BRINP3: variants seen among roughly 807,000 people sequenced by gnomAD.
BRINP3 encodes BMP/retinoic acid inducible neural specific 3, also known as BMP/retinoic acid-inducible neural-specific protein 3.
BRINP3 carries 19 observed loss-of-function variants against 71.0 expected under a neutral mutation model. The ratio of observed to expected loss-of-function variants is 0.27; its 90% CI spans 0.19 to 0.39. The LOEUF (loss-of-function observed/expected upper bound fraction) is 0.39. BRINP3 is among the 10% of genes least tolerant of loss of function. BRINP3 has a pLI of 1.00. For missense variants in BRINP3, 959 were observed against 940.8 expected, an observed-to-expected ratio of 1.02 and a Z score of -0.25; for synonymous variants, 380 against 337.7, an observed-to-expected ratio of 1.13 and a Z score of -1.37.
intron 1 of BRINP3, among the ~76,000 whole-genome samples, chr1:190,458,226 G>A (rs545182322): frequency 6.2e-4 from 95 of 152,016 alleles, no homozygotes; most frequent in African/African-American, 1.8e-3. Flanking sequence ...TTAACACATA[G>A]GAATGTCAAT....
chr1:190,241,690 A>G (rs1369587187), intron 4 of BRINP3, among the ~76,000 whole-genome samples: 2 of 152,028 alleles, frequency 1.3e-5, no homozygotes, highest in Non-Finnish European at 2.9e-5. Flanking sequence ...AACATCCTGC[A>G]TATTCTTATA....
At position 190,159,668 on chromosome 1, in the gene BRINP3, G is replaced by C. The variant is rs145136099; in HGVS notation, c.1184+1000C>G. Among the ~76,000 whole-genome samples the C allele has an allele frequency of 1.3e-4, 20 of 152,126 alleles. No individual in the cohort carries two copies. In the East Asian group the frequency reaches 2.3e-3, roughly 18 times the overall value. ...ATAGTAGATTAGACAAATTTATAGAGAGAAACAGCCTTGGACTGGGTGAAG... is the reference window on the plus strand; with the variant it reads ...ATAGTAGATTAGACAAATTTATAGACAGAAACAGCCTTGGACTGGGTGAAG... On this transcript the variant is annotated intron_variant, in intron 7 of 7. Transcript: ENST00000367462.
chr1:190,261,859 T>C (rs1490447870), intron 4 of BRINP3, among the ~76,000 whole-genome samples: 1 of 152,194 alleles, frequency 6.6e-6, no homozygotes, highest in Admixed American at 6.5e-5. Context: ...AAGATCTTGG[T>C]TTCAGAGACT....
Position 190,388,917 on chromosome 1 carries a change from A to G in BRINP3, c.236+65738T>C, listed in dbSNP as rs1378853735. On this transcript the variant is annotated intron_variant, in intron 2 of 7. Coordinates refer to ENST00000367462, the MANE Select transcript of BRINP3 (RefSeq NM_199051.3). The stretch of plus-strand genomic sequence containing the variant: ...TATTATATCCAAGTAGATAGGAAAG[A>G]TGTCCCTGAAATGAGGCACTAGTCA... 3.3e-5 allele frequency among the ~76,000 whole-genome samples: 5 copies of G among 151,792 alleles called. No homozygotes were observed. The Admixed American group carries it at 3.3e-4, about 10-fold the overall frequency.
At chr1:190,139,464 A>AC (rs1458741115) in intron 7 of BRINP3, among the ~76,000 whole-genome samples, 1 of 151,560 alleles carries the variant, frequency 6.6e-6, no homozygotes, top group East Asian at 1.9e-4. Context: ...AAAAAAAAAA[A>AC]AAAAAAGAAA....
chr1:190,140,347 A>G (rs1655331562), intron 7 of BRINP3, among the ~76,000 whole-genome samples: 1 of 152,112 alleles, frequency 6.6e-6, no homozygotes, highest in Non-Finnish European at 1.5e-5. Context: ...AGATAAGAAG[A>G]TGCAAAATCT....
chr1:190,240,872 C>CA (rs71123078), intron 4 of BRINP3, among the ~76,000 whole-genome samples: 2,778 of 38,242 alleles, frequency 0.073, 475 homozygotes, highest in East Asian at 0.2. Context: ...AACTCTGTCT[C>CA]AAAAAAAAAA....
intron 4 of BRINP3, among the ~76,000 whole-genome samples, chr1:190,248,833 C>T (rs917957401): frequency 6.6e-6 from 1 of 151,482 alleles, no homozygotes; most frequent in African/African-American, 2.4e-5. Flanking sequence ...TTTTTCTTTA[C>T]TTTCATCTTA....
Position 190,330,193 on chromosome 1 carries a change from T to TA in BRINP3, c.237-48444dup, listed in dbSNP as rs549986354. ...TAAAATAAACGATCAACAGAATAAA[T>TA]AAAAAAACTACAGAATGAGAGAAAA... On this transcript the variant is annotated intron_variant, in intron 2 of 7. Transcript: ENST00000367462. Among the ~76,000 whole-genome samples, 6 of 151,282 alleles carry TA rather than the reference T, an allele frequency of 4.0e-5. No homozygotes were observed. In the East Asian group the frequency reaches 1.2e-3, roughly 29 times the overall value.
intron 2 of BRINP3, among the ~76,000 whole-genome samples, chr1:190,361,561 C>T (rs577359531): frequency 2.6e-5 from 4 of 151,956 alleles, no homozygotes; most frequent in Non-Finnish European, 5.9e-5. Flanking sequence ...CATCACCACG[C>T]CCAGCTAATT....
intron 2 of BRINP3, among the ~76,000 whole-genome samples, chr1:190,287,733 G>A (rs945175549): frequency 6.6e-6 from 1 of 152,110 alleles, no homozygotes; most frequent in South Asian, 2.1e-4. Flanking sequence ...AATTGTAGCT[G>A]TAACCTCATG....
In BRINP3 at chr1:190,247,430, C is replaced by T. The variant is rs530478077; in HGVS notation, c.619-12953G>A. On this transcript the variant is annotated intron_variant, in intron 4 of 7. Transcript: ENST00000367462. ...GTATTCCTAGCTATCAGAAATGGTG[C>T]ATTTTGTCTATGCTGATGGATGAAT... 3.9e-5 allele frequency among the ~76,000 whole-genome samples: 6 copies of T among 152,040 alleles called. No homozygotes were observed. The South Asian group carries it at 1.2e-3, about 32-fold the overall frequency.
chr1:190,417,918 T>G (rs1673115360), intron 2 of BRINP3, among the ~76,000 whole-genome samples: 1 of 152,180 alleles, frequency 6.6e-6, no homozygotes, highest in Admixed American at 6.6e-5. Flanking sequence ...TTCAACTCGA[T>G]TCTGATCAAT....
At chr1:190,192,967 A>C (rs557635647) in intron 6 of BRINP3, among the ~76,000 whole-genome samples, 1 of 152,270 alleles carries the variant, frequency 6.6e-6, no homozygotes, top group Non-Finnish European at 1.5e-5. Flanking sequence ...GTGATATAGT[A>C]AACTTTATGC....
At chr1:190,386,335 C>T (rs1670905004) in intron 2 of BRINP3, among the ~76,000 whole-genome samples, 1 of 151,410 alleles carries the variant, frequency 6.6e-6, no homozygotes, top group African/African-American at 2.4e-5. Context: ...AAAATCAATG[C>T]TGCAGGTCTG....
At chr1:190,226,720 A>G (rs932706904) in intron 5 of BRINP3, among the ~76,000 whole-genome samples, 2 of 151,970 alleles carry the variant, frequency 1.3e-5, no homozygotes, top group African/African-American at 4.8e-5. Flanking sequence ...TTGTTTGCAG[A>G]CTATCAGCCC....
chr1:190,389,302 T>G (rs11587093), intron 2 of BRINP3, among the ~76,000 whole-genome samples: 1 of 151,608 alleles, frequency 6.6e-6, no homozygotes, highest in Non-Finnish European at 1.5e-5. Context: ...CCCCCATTTC[T>G]TCCTCTTAGT....
At chr1:190,354,227 G>C (rs1202368697) in intron 2 of BRINP3, among the ~76,000 whole-genome samples, 1 of 151,868 alleles carries the variant, frequency 6.6e-6, no homozygotes, top group Non-Finnish European at 1.5e-5. Flanking sequence ...CTTTCTCTTA[G>C]TGGTTTGATT....
intron 6 of BRINP3, among the ~76,000 whole-genome samples, chr1:190,208,342 T>C (rs527589198): frequency 1.7e-4 from 26 of 152,148 alleles, no homozygotes; most frequent in Admixed American, 6.6e-4. Context: ...TGATAACCTC[T>C]GGATCAGAAC....
Sources: gnomAD v4.1 joint callset for allele counts (sites outside exome capture counted in the v4.1 genomes callset) on GRCh38, gnomAD v4.1.1 for gene constraint, MANE v1.5 for transcripts, NCBI Gene and HGNC (gene_info 2026-07-23, HGNC 2026-07-21) for gene names.